The following SLC24A3 variants were observed in gnomAD, a reference collection of about 807,000 sequenced individuals.
The protein encoded by SLC24A3 is solute carrier family 24 member 3.
A neutral mutation model predicts 75.8 loss-of-function variants in SLC24A3; 28 were observed. The observed-to-expected ratio is 0.37, with a 90% confidence interval of 0.27 to 0.51. SLC24A3 has a LOEUF of 0.51. Ranked by LOEUF, SLC24A3 falls within the 20% of genes least tolerant of loss-of-function variation. The pLI, the probability that SLC24A3 is intolerant of heterozygous loss-of-function variation, is 0.94. For missense variants in SLC24A3, 663 were observed against 847.8 expected (o/e 0.78, Z 2.71); for synonymous variants, 372 against 334.1 (o/e 1.11, Z -1.24).
chr20:19,471,883 G>A (rs538229351), intron 2 of SLC24A3, among the ~76,000 whole-genome samples: 1 of 152,254 alleles, frequency 6.6e-6, no homozygotes, highest in Admixed American at 6.5e-5. Context: ...TTAAAAAAGA[G>A]CAACATTTGA....
chr20:19,612,028 C>T (rs1349886569), intron 6 of SLC24A3, among the ~76,000 whole-genome samples: 1 of 152,202 alleles, frequency 6.6e-6, no homozygotes, highest in Non-Finnish European at 1.5e-5. Flanking sequence ...CCTTCTCTCT[C>T]CACACTCGCT....
At chr20:19,466,427 G>A (rs546009663) in intron 2 of SLC24A3, among the ~76,000 whole-genome samples, 116 of 152,328 alleles carry the variant, frequency 7.6e-4, no homozygotes, top group African/African-American at 2.5e-3. Flanking sequence ...CAGCCAGTGT[G>A]CAGTGGAAGT....
chr20:19,359,813 A>G (rs1391577804), intron 2 of SLC24A3, among the ~76,000 whole-genome samples: 1 of 152,172 alleles, frequency 6.6e-6, no homozygotes, highest in East Asian at 1.9e-4. Flanking sequence ...AGGTAATCCC[A>G]GGAAACACCC....
intron 1 of SLC24A3, among the ~76,000 whole-genome samples, chr20:19,273,486 A>G (rs1466757007): frequency 6.6e-6 from 1 of 152,096 alleles, no homozygotes; most frequent in Non-Finnish European, 1.5e-5. Flanking sequence ...GGGGGTGGAA[A>G]CCATTTCCCT....
intron 9 of SLC24A3, among the ~76,000 whole-genome samples, chr20:19,678,039 A>G (rs1310857082): frequency 6.6e-6 from 1 of 151,652 alleles, no homozygotes; most frequent in Non-Finnish European, 1.5e-5. Context: ...GTCACAGATC[A>G]ACAGGATCCC....
intron 12 of SLC24A3, among the ~76,000 whole-genome samples, chr20:19,690,432 C>T (rs1234258893): frequency 6.6e-6 from 1 of 152,076 alleles, no homozygotes; most frequent in African/African-American, 2.4e-5. Context: ...TTTTTCTTCC[C>T]TCTTTTTTTT....
intron 1 of SLC24A3, among the ~76,000 whole-genome samples, chr20:19,269,864 C>T (rs911060684): frequency 5.3e-5 from 8 of 152,156 alleles, no homozygotes; most frequent in South Asian, 2.1e-4. Flanking sequence ...ATTCTTTCAA[C>T]GGGGGTTAAC....
chr20:19,706,958 T>A (rs2032938004), intron 15 of SLC24A3, among the ~76,000 whole-genome samples: 2 of 152,140 alleles, frequency 1.3e-5, no homozygotes, highest in African/African-American at 4.8e-5. Context: ...CTGACAAGTG[T>A]GTGGCTGCTC....
chr20:19,534,857 G>A (rs936542441), intron 3 of SLC24A3, among the ~76,000 whole-genome samples: 9 of 152,182 alleles, frequency 5.9e-5, no homozygotes, highest in Admixed American at 5.9e-4. Context: ...TGTTTTCTCA[G>A]GACACTAGTG....
At chr20:19,615,293 A>G (rs576813612) in intron 6 of SLC24A3, among the ~76,000 whole-genome samples, 1 of 152,348 alleles carries the variant, frequency 6.6e-6, no homozygotes, top group South Asian at 2.1e-4. Flanking sequence ...TGAGTGCAAG[A>G]TATTTTTTAA....
In SLC24A3 at chr20:19,681,924, A is replaced by T. The variant is rs201867996; in HGVS notation, c.834A>T (p.Gly278=). The change falls in exon 10 of 17, where the codon GGA becomes GGT. Residue 278 remains glycine (G), a synonymous_variant. Coordinates refer to ENST00000328041, the MANE Select transcript of SLC24A3 (RefSeq NM_020689.4). Reference sequence around the variant, plus strand: ...AAGGTGCCGGGAACATGGTCAACGGATTGGCCAACAATGCTGAAATTGATG... The same window carrying T: ...AAGGTGCCGGGAACATGGTCAACGGTTTGGCCAACAATGCTGAAATTGATG... ...RTKGAGNMVN[G]LANNAEIDDS... 19 of 1,614,170 alleles carry T rather than the reference A, an allele frequency of 1.2e-5. No homozygotes were observed. In the African/African-American group the frequency reaches 1.9e-4, roughly 16 times the overall value.
At chr20:19,298,705 A>G (rs970566275) in intron 2 of SLC24A3, among the ~76,000 whole-genome samples, 1 of 152,252 alleles carries the variant, frequency 6.6e-6, no homozygotes, top group African/African-American at 2.4e-5. Context: ...TTTACTCACA[A>G]AGATTCCCTT....
At chr20:19,611,455 C>T (rs2031670668) in intron 6 of SLC24A3, among the ~76,000 whole-genome samples, 1 of 152,148 alleles carries the variant, frequency 6.6e-6, no homozygotes, top group Non-Finnish European at 1.5e-5. Context: ...CAGAGTAGCC[C>T]ATACATGATT....
Position 19,237,605 on chromosome 20 carries a change from G to A in SLC24A3, c.142+24621G>A, listed in dbSNP as rs1032016697. Among the ~76,000 whole-genome samples, 3 of 152,162 alleles carry A rather than the reference G, an allele frequency of 2.0e-5. No individual in the cohort carries two copies. The South Asian group carries it at 6.2e-4, about 32-fold the overall frequency. Reference sequence around the variant, plus strand: ...GGCCAGGCTGGAATCTGGGCTCTGAGCTGATCCTTCCCCTGCTCTCCATGC... The same window carrying A: ...GGCCAGGCTGGAATCTGGGCTCTGAACTGATCCTTCCCCTGCTCTCCATGC... On this transcript the variant is annotated intron_variant, in intron 1 of 16. Transcript: ENST00000328041.
chr20:19,448,926 A>G (rs904627700), intron 2 of SLC24A3, among the ~76,000 whole-genome samples: 1 of 152,226 alleles, frequency 6.6e-6, no homozygotes, highest in Non-Finnish European at 1.5e-5. Flanking sequence ...AGAGAAAACC[A>G]CACTTTGTGG....
intron 3 of SLC24A3, among the ~76,000 whole-genome samples, chr20:19,546,165 A>C (rs2030588990): frequency 1.1e-5 from 1 of 91,100 alleles, no homozygotes. Context: ...TCTCAAAAAA[A>C]AAAAAAAAAA....
chr20:19,350,253 A>G (rs1343971901), intron 2 of SLC24A3, among the ~76,000 whole-genome samples: 1 of 152,234 alleles, frequency 6.6e-6, no homozygotes, highest in African/African-American at 2.4e-5. Context: ...ACTTTATTAA[A>G]ATAGAATTTG....
intron 15 of SLC24A3, among the ~76,000 whole-genome samples, chr20:19,710,597 G>A (rs918961336): frequency 6.6e-6 from 1 of 152,194 alleles, no homozygotes; most frequent in African/African-American, 2.4e-5. Context: ...TTTCTGCATT[G>A]GCACTTAATG....
At chr20:19,238,088 A>C (rs534884630) in intron 1 of SLC24A3, among the ~76,000 whole-genome samples, 2 of 152,218 alleles carry the variant, frequency 1.3e-5, no homozygotes, top group African/African-American at 4.8e-5. Context: ...AGCTTGATGA[A>C]TTTTCACTAA....
Sources: gnomAD v4.1 joint callset for allele counts (sites outside exome capture counted in the v4.1 genomes callset) on GRCh38, gnomAD v4.1.1 for gene constraint, MANE v1.5 for transcripts, NCBI Gene and HGNC (gene_info 2026-07-23, HGNC 2026-07-21) for gene names.